Variants in MACROD2 observed in about 807,000 individuals in gnomAD.
MACROD2 encodes the protein mono-ADP ribosylhydrolase 2.
In MACROD2, 36 loss-of-function variants were observed where a neutral mutation model predicts 70.4. That is an observed-to-expected ratio of 0.51 (90% confidence interval 0.39 to 0.68). MACROD2 has a LOEUF of 0.68. MACROD2 is among the 30% of genes least tolerant of loss of function. The pLI, the probability that MACROD2 is intolerant of heterozygous loss-of-function variation, is 0.00. For missense variants in MACROD2, 496 were observed against 538.4 expected, an observed-to-expected ratio of 0.92 and a Z score of 0.78; for synonymous variants, 172 against 178.8, an observed-to-expected ratio of 0.96 and a Z score of 0.30.
chr20:15,469,502 G>A (rs1294133448), intron 7 of MACROD2, among the ~76,000 whole-genome samples: 1 of 152,132 alleles, frequency 6.6e-6, no homozygotes, highest in Non-Finnish European at 1.5e-5. Context: ...TGGAGCTTAT[G>A]GGAAGCAGGG....
At chr20:14,710,730 T>A (rs550196220) in intron 5 of MACROD2, among the ~76,000 whole-genome samples, 41 of 152,308 alleles carry the variant, frequency 2.7e-4, no homozygotes, top group Middle Eastern at 3.4e-3. Flanking sequence ...TCATTTTTTA[T>A]TACTTAGTTT....
At chr20:14,244,356 A>G (rs1368518780) in intron 3 of MACROD2, among the ~76,000 whole-genome samples, 1 of 152,266 alleles carries the variant, frequency 6.6e-6, no homozygotes, top group African/African-American at 2.4e-5. Flanking sequence ...GTGAACTTCA[A>G]AATTATCCAG....
At chr20:15,524,351 T>C (rs544424902) in intron 8 of MACROD2, among the ~76,000 whole-genome samples, 3 of 152,086 alleles carry the variant, frequency 2.0e-5, no homozygotes, top group African/African-American at 7.2e-5. Context: ...TAGTGTCCCT[T>C]GGACACAGCT....
chr20:15,468,521 A>G (rs1304788546), intron 7 of MACROD2, among the ~76,000 whole-genome samples: 1 of 152,196 alleles, frequency 6.6e-6, no homozygotes, highest in Non-Finnish European at 1.5e-5. Context: ...ACTCAAGAAA[A>G]AAAACAGCTT....
At chr20:15,917,068 T>C (rs1188319647) in intron 10 of MACROD2, among the ~76,000 whole-genome samples, 1 of 152,210 alleles carries the variant, frequency 6.6e-6, no homozygotes, top group Non-Finnish European at 1.5e-5. Context: ...AGGATGTAGT[T>C]TGCAGACCCC....
chr20:14,893,603 A>T (rs1359819814), intron 5 of MACROD2: 1 of 152,062 alleles, frequency 6.6e-6, no homozygotes, highest in Non-Finnish European at 1.5e-5. Flanking sequence ...TAGATAAAAA[A>T]TAATTTGTAT....
At chr20:15,117,954 T>C (rs1177623599) in intron 5 of MACROD2, among the ~76,000 whole-genome samples, 1 of 152,126 alleles carries the variant, frequency 6.6e-6, no homozygotes, top group Non-Finnish European at 1.5e-5. Flanking sequence ...TTTTGTTTGT[T>C]TGTTTTTTCC....
At chr20:15,821,360 A>G (rs2063936381) in intron 8 of MACROD2, among the ~76,000 whole-genome samples, 1 of 151,844 alleles carries the variant, frequency 6.6e-6, no homozygotes, top group Non-Finnish European at 1.5e-5. Context: ...TGTAATTTGT[A>G]TTTCTATTTA....
chr20:15,459,162 T>A (rs1485483287), intron 7 of MACROD2, among the ~76,000 whole-genome samples: 2 of 152,130 alleles, frequency 1.3e-5, no homozygotes, highest in East Asian at 3.9e-4. Context: ...AGCTGGGAAA[T>A]TTGCCTTTTT....
chr20:15,381,890 A>G (rs2045649660), intron 6 of MACROD2, among the ~76,000 whole-genome samples: 1 of 152,194 alleles, frequency 6.6e-6, no homozygotes, highest in South Asian at 2.1e-4. Flanking sequence ...ATGGATGTGT[A>G]TAAAGGAGCT....
At chr20:15,006,131 A>T (rs902891840) in intron 5 of MACROD2, among the ~76,000 whole-genome samples, 29 of 123,998 alleles carry the variant, frequency 2.3e-4, no homozygotes, top group African/African-American at 7.0e-4. Flanking sequence ...AATGCATTTT[A>T]TATATATATA....
At chr20:15,640,917 G>T (rs568838898) in intron 8 of MACROD2, among the ~76,000 whole-genome samples, 1 of 152,130 alleles carries the variant, frequency 6.6e-6, no homozygotes, top group African/African-American at 2.4e-5. Flanking sequence ...CAGCTTACCC[G>T]CCAGCTGGGC....
chr20:15,501,249 G>A (rs564251844), intron 8 of MACROD2, among the ~76,000 whole-genome samples: 110 of 152,338 alleles, frequency 7.2e-4, no homozygotes, highest in Admixed American at 1.7e-3. Context: ...TTGCAAAAGT[G>A]TAGCATGTTG....
intron 4 of MACROD2, among the ~76,000 whole-genome samples, chr20:14,541,265 G>T (rs1160565039): frequency 6.6e-6 from 1 of 152,094 alleles, no homozygotes; most frequent in Non-Finnish European, 1.5e-5. Context: ...ATACTTTTTA[G>T]AGGTGCATTT....
At chr20:14,849,264 T>C (rs2073173680) in intron 5 of MACROD2, among the ~76,000 whole-genome samples, 1 of 152,232 alleles carries the variant, frequency 6.6e-6, no homozygotes, top group Non-Finnish European at 1.5e-5. Context: ...CAGCTAATCA[T>C]GCTTGTCATC....
At chr20:14,903,737 T>A (rs1028985122) in intron 5 of MACROD2, among the ~76,000 whole-genome samples, 1 of 152,012 alleles carries the variant, frequency 6.6e-6, no homozygotes, top group Non-Finnish European at 1.5e-5. Context: ...CTAGCGTAGG[T>A]AACTGTTCCC....
At chr20:15,812,970 T>C (rs2063835738) in intron 8 of MACROD2, among the ~76,000 whole-genome samples, 1 of 152,220 alleles carries the variant, frequency 6.6e-6, no homozygotes, top group Admixed American at 6.5e-5. Flanking sequence ...TCACTTGGAA[T>C]GTGAACTAAC....
Position 15,197,960 on chromosome 20 carries a change from C to CTTTTT in MACROD2, c.419-31965_419-31961dup, listed in dbSNP as rs56284199. On this transcript the variant is annotated intron_variant, in intron 5 of 17. Coordinates refer to ENST00000684519, the MANE Select transcript of MACROD2 (RefSeq NM_001351661.2). ...AATTTTCCTGCCTTGGCCTGGCCTC[C>CTTTTT]TTTTTTTTTTTTTTTTTTTGAGACG... 1.8e-3 allele frequency among the ~76,000 whole-genome samples: 208 copies of CTTTTT among 118,668 alleles called. 6 individuals are homozygous for CTTTTT. Among genetic ancestry groups the CTTTTT allele is most frequent in the African/African-American group, 4.3e-3 (135 of 31,430 alleles). 77.9% of individuals were successfully genotyped at this position (118,668 alleles called of 152,430 possible). A position where few individuals can be genotyped will look rare whatever the true frequency, so the allele number is the denominator to read the frequency against.
chr20:15,479,259 C>T (rs1330625194), intron 7 of MACROD2, among the ~76,000 whole-genome samples: 3 of 104,566 alleles, frequency 2.9e-5, no homozygotes, highest in Non-Finnish European at 5.3e-5. Flanking sequence ...ACTAGATTCT[C>T]GCTCTCTTTT....
Sources: gnomAD v4.1 joint callset for allele counts (sites outside exome capture counted in the v4.1 genomes callset) on GRCh38, gnomAD v4.1.1 for gene constraint, MANE v1.5 for transcripts, NCBI Gene and HGNC (gene_info 2026-07-23, HGNC 2026-07-21) for gene names.